RNF17: variants seen among roughly 807,000 people sequenced by gnomAD.
RNF17 encodes the protein spermatogenesis associated 23.
Under a neutral mutation model 200.5 loss-of-function variants are expected in RNF17, and 31 were observed. The ratio of observed to expected loss-of-function variants is 0.15; its 90% CI spans 0.12 to 0.21. The LOEUF (loss-of-function observed/expected upper bound fraction) is 0.21. Ranked by LOEUF, RNF17 falls within the 10% of genes least tolerant of loss-of-function variation. RNF17 has a pLI of 1.00. For missense variants in RNF17, 1,628 were observed against 1,905.1 expected (o/e 0.85, Z 2.71); for synonymous variants, 606 against 637.8 (o/e 0.95, Z 0.75).
chr13:24,820,114 CTTTTTTCTTTTTTTT>C (rs1219502734), intron 15 of RNF17, among the ~76,000 whole-genome samples: 1 of 109,524 alleles, frequency 9.1e-6, no homozygotes, highest in South Asian at 3.7e-4. Context: ...TCTCTTTTTT[CTTTTTTCTTTTTTTT>C]TTTTTTTTTT....
intron 19 of RNF17, among the ~76,000 whole-genome samples, chr13:24,842,952 A>G (rs1593405981): frequency 1.3e-5 from 2 of 151,642 alleles, no homozygotes; most frequent in Middle Eastern, 3.4e-3. Flanking sequence ...GTGTCACTGC[A>G]CTCCAGAGTG....
At chr13:24,877,312 T>C in intron 34 of RNF17, 126 bp downstream of exon 34, 1 of 690,090 alleles carries the variant, frequency 1.4e-6, no homozygotes, top group Non-Finnish European at 2.4e-6. Flanking sequence ...ATATAGGATA[T>C]AGTTTATATG....
At chr13:24,818,876 T>G (rs1052630595) in intron 15 of RNF17, among the ~76,000 whole-genome samples, 34 of 152,118 alleles carry the variant, frequency 2.2e-4, no homozygotes, top group African/African-American at 6.8e-4. Context: ...TTTAATACAT[T>G]TACATTTAAA....
chr13:24,795,163 C>T (rs1473826753), intron 10 of RNF17, among the ~76,000 whole-genome samples: 3 of 152,108 alleles, frequency 2.0e-5, no homozygotes, highest in East Asian at 1.9e-4. Flanking sequence ...TTTCTGTCAT[C>T]TATCTATACT....
chr13:24,827,722 A>AAAAAAAAAC (rs1888881071), intron 16 of RNF17, among the ~76,000 whole-genome samples: 1 of 146,732 alleles, frequency 6.8e-6, no homozygotes, highest in Non-Finnish European at 1.5e-5. Context: ...AAAAAACAAA[A>AAAAAAAAAC]AAAAAAAAAC....
intron 6 of RNF17, among the ~76,000 whole-genome samples, chr13:24,785,090 TTATC>T (rs1459958216): frequency 2.0e-5 from 3 of 152,146 alleles, no homozygotes; most frequent in Admixed American, 6.6e-5. Context: ...TGTTGTGTAT[TTATC>T]TCTTCTCTTC....
chr13:24,873,767 T>G lies in RNF17; in HGVS notation c.4448-347T>G, dbSNP rs9581197. Among the ~76,000 whole-genome samples, 288 of 152,312 alleles carry G rather than the reference T, an allele frequency of 1.9e-3. 1 individual carries two copies. Among genetic ancestry groups the G allele is most frequent in the African/African-American group, 6.7e-3 (278 of 41,592 alleles). On this transcript the variant is annotated intron_variant, in intron 32 of 35. Coordinates refer to ENST00000255324, the MANE Select transcript of RNF17 (RefSeq NM_031277.3). ...TGAACCATTAATCTCCTTGTTATCT[T>G]CATGAGATCCACTTCTTTAGCTCTC...
chr13:24,796,246 A>T lies in RNF17; in HGVS notation c.1350A>T (p.Glu450Asp). 1 of 1,612,488 alleles carries T rather than the reference A, an allele frequency of 6.2e-7. No homozygotes were observed. The highest frequency in any genetic ancestry group is 8.5e-7 in the Non-Finnish European group (1 of 1,178,938). Residue 450 changes from glutamate to aspartate, a missense_variant, in exon 11 of 36, where the codon GAA becomes GAT. By Grantham distance (45) the Glu-to-Asp change is conservative. This residue lies in a region of RNF17 where 289 missense variants were observed against 384.9 expected (regional missense o/e 0.75). Transcript: ENST00000255324. ...DAKVLEKKVN[E>D]FCNRSSHLDP... ...AAGTACTGGAGAAGAAGGTGAATGA[A>T]TTTTGCAATAGGAGTTCACACCTTG... is the stretch of plus-strand genomic sequence containing the variant.
chr13:24,862,314 C>T (rs1893179877), intron 27 of RNF17, among the ~76,000 whole-genome samples: 1 of 152,228 alleles, frequency 6.6e-6, no homozygotes, highest in Non-Finnish European at 1.5e-5. Context: ...CCTCACTTCT[C>T]ACCATGTGAA....
At chr13:24,819,020 T>C (rs1216026046) in intron 15 of RNF17, among the ~76,000 whole-genome samples, 1 of 152,172 alleles carries the variant, frequency 6.6e-6, no homozygotes. Context: ...ATGTATTTTT[T>C]AAAATCTCTT....
intron 15 of RNF17, chr13:24,824,101 C>A: frequency 1.4e-6 from 1 of 691,510 alleles, no homozygotes. Context: ...TAGGGTGAGG[C>A]AAGTAAAAAT....
At chr13:24,831,810 G>T (rs760464555) in intron 17 of RNF17, 48 bp from the exon 18 acceptor site, 1 of 1,525,130 alleles carries the variant, frequency 6.6e-7, no homozygotes, top group Non-Finnish European at 8.9e-7. Context: ...TTCTAAAGTA[G>T]GTAGAAATTA....
At chr13:24,853,438 G>A (rs1892151020) in intron 24 of RNF17, among the ~76,000 whole-genome samples, 3 of 151,700 alleles carry the variant, frequency 2.0e-5, no homozygotes, top group Non-Finnish European at 4.4e-5. Context: ...TCATATATAC[G>A]GATAGTACCT....
intron 31 of RNF17, among the ~76,000 whole-genome samples, chr13:24,870,236 C>G (rs750870991): frequency 6.6e-6 from 1 of 151,972 alleles, no homozygotes; most frequent in Non-Finnish European, 1.5e-5. Context: ...TGTGAGCCAC[C>G]GCGCCCGGCC....
At chr13:24,841,102 C>G (rs1405251893) in intron 18 of RNF17, among the ~76,000 whole-genome samples, 2 of 152,076 alleles carry the variant, frequency 1.3e-5, no homozygotes, top group Non-Finnish European at 2.9e-5. Context: ...TACTTATTGA[C>G]CAATTTCCCT....
intron 25 of RNF17, among the ~76,000 whole-genome samples, chr13:24,855,551 C>T (rs1204859809): frequency 1.3e-5 from 2 of 151,902 alleles, no homozygotes; most frequent in African/African-American, 4.8e-5. Flanking sequence ...TCATTTGAAC[C>T]CGGGAGGCAG....
At chr13:24,802,345 C>G (rs766563211) in intron 13 of RNF17, 36 bp from the exon 14 acceptor site, 2 of 1,537,874 alleles carry the variant, frequency 1.3e-6, no homozygotes, top group Admixed American at 1.9e-5. Flanking sequence ...GCGATACTTA[C>G]AATTAATTAC....
intron 31 of RNF17, 121 bp from the exon 32 acceptor site, chr13:24,870,450 A>T: frequency 2.8e-6 from 2 of 702,280 alleles, no homozygotes; most frequent in Non-Finnish European, 4.9e-6. Context: ...GGTGAATATC[A>T]GGAGGTGTAG....
intron 18 of RNF17, among the ~76,000 whole-genome samples, chr13:24,839,021 A>G (rs1890327383): frequency 6.6e-6 from 1 of 152,162 alleles, no homozygotes; most frequent in Admixed American, 6.5e-5. Context: ...TCTTCTGTAC[A>G]CCAACAGCGA....
Sources: gnomAD v4.1 joint callset for allele counts (sites outside exome capture counted in the v4.1 genomes callset) on GRCh38, gnomAD v4.1.1 for gene constraint, gnomAD v4.1.1 regional missense constraint, MANE v1.5 for transcripts, NCBI Gene and HGNC (gene_info 2026-07-23, HGNC 2026-07-21) for gene names.